The following TESK2 variants were observed in gnomAD, a reference collection of about 807,000 sequenced individuals.
TESK2 encodes dual specificity testis-specific protein kinase 2.
Under a neutral mutation model 57.1 loss-of-function variants are expected in TESK2, and 39 were observed. That is an observed-to-expected ratio of 0.68 (90% CI 0.53 to 0.89). TESK2 has a LOEUF of 0.89. TESK2 is among the 40% of genes least tolerant of loss of function. The pLI, the probability that TESK2 is intolerant of heterozygous loss-of-function variation, is 0.00. For missense variants in TESK2, 646 were observed against 732.1 expected (o/e 0.88, Z 1.36); for synonymous variants, 249 against 267.9 (o/e 0.93, Z 0.69).
At chr1:45,361,988 ATTATATG>A (rs978356704) in intron 4 of TESK2, among the ~76,000 whole-genome samples, 1 of 152,204 alleles carries the variant, frequency 6.6e-6, no homozygotes, top group African/African-American at 2.4e-5. Context: ...AAGATGGTAA[ATTATATG>A]TTATATGTAT....
chr1:45,360,052 C>A (rs1362887989), intron 4 of TESK2, among the ~76,000 whole-genome samples: 1 of 152,154 alleles, frequency 6.6e-6, no homozygotes, highest in Admixed American at 6.6e-5. Context: ...AAAAATAAAT[C>A]TTCCAACTTC....
chr1:45,426,475 G>A (rs1237098323), intron 2 of TESK2, among the ~76,000 whole-genome samples: 1 of 152,080 alleles, frequency 6.6e-6, no homozygotes, highest in African/African-American at 2.4e-5. Flanking sequence ...TAAAGATTTC[G>A]ATCTAGGACC....
chr1:45,485,562 A>G (rs1292059154), intron 1 of TESK2, among the ~76,000 whole-genome samples: 1 of 147,052 alleles, frequency 6.8e-6, no homozygotes, highest in Non-Finnish European at 1.5e-5. Context: ...TCTGTCGCCT[A>G]AACTGCAGTA....
chr1:45,451,399 AG>A (rs1367822004), intron 2 of TESK2, among the ~76,000 whole-genome samples: 32 of 152,184 alleles, frequency 2.1e-4, no homozygotes, highest in Admixed American at 2.1e-3. Context: ...TCAGGGATAA[AG>A]TTAAGCAGAA....
intron 4 of TESK2, 55 bp from the exon 5 acceptor site, chr1:45,355,504 G>C (rs1647383053): frequency 6.4e-7 from 1 of 1,567,074 alleles, no homozygotes; most frequent in Non-Finnish European, 8.6e-7. Context: ...TTAGGCTAGT[G>C]GTGAAACCAT....
intron 2 of TESK2, among the ~76,000 whole-genome samples, chr1:45,450,689 A>T (rs1651836860): frequency 6.6e-6 from 1 of 152,182 alleles, no homozygotes; most frequent in East Asian, 1.9e-4. Flanking sequence ...AAAACCTCTT[A>T]GGCTATATGC....
intron 9 of TESK2, among the ~76,000 whole-genome samples, 174 bp downstream of exon 9, chr1:45,346,519 C>G (rs558316588): frequency 1.3e-5 from 2 of 152,246 alleles, no homozygotes; most frequent in South Asian, 4.1e-4. Flanking sequence ...TTCCTTTGTC[C>G]AGAGCTCTGA....
chr1:45,436,181 CTTTTT>C (rs1170732475), intron 2 of TESK2, among the ~76,000 whole-genome samples: 14 of 56,620 alleles, frequency 2.5e-4, no homozygotes, highest in African/African-American at 5.3e-4. Context: ...TTGGTATCTT[CTTTTT>C]TTTTTTTTTT....
intron 10 of TESK2, 38 bp from the exon 11 acceptor site, chr1:45,345,596 A>G (rs771845568): frequency 6.5e-7 from 1 of 1,543,368 alleles, no homozygotes; most frequent in Non-Finnish European, 8.9e-7. Context: ...CTCACTAGTC[A>G]TAACAAATAC....
intron 1 of TESK2, among the ~76,000 whole-genome samples, chr1:45,466,159 T>C (rs1247026212): frequency 3.3e-5 from 5 of 152,068 alleles, no homozygotes. Context: ...CTGAGCAACA[T>C]GGTTAAACCT....
At chr1:45,417,010 T>A (rs1650271680) in intron 3 of TESK2, among the ~76,000 whole-genome samples, 1 of 151,804 alleles carries the variant, frequency 6.6e-6, no homozygotes, top group Admixed American at 6.6e-5. Flanking sequence ...ATGGTCTCGA[T>A]CTCTTGACCT....
chr1:45,387,572 G>A (rs1472946045), intron 3 of TESK2, among the ~76,000 whole-genome samples: 1 of 152,072 alleles, frequency 6.6e-6, no homozygotes, highest in Non-Finnish European at 1.5e-5. Context: ...GGAAGACAGG[G>A]TCCATGTCAT....
At chr1:45,386,859 G>C (rs1206861595) in intron 3 of TESK2, among the ~76,000 whole-genome samples, 1 of 151,756 alleles carries the variant, frequency 6.6e-6, no homozygotes, top group Non-Finnish European at 1.5e-5. Context: ...TCATCATGTT[G>C]GCCAGGATGG....
chr1:45,370,752 A>G (rs1434456344), intron 4 of TESK2, among the ~76,000 whole-genome samples: 1 of 152,302 alleles, frequency 6.6e-6, no homozygotes, highest in East Asian at 1.9e-4. Context: ...GAGGTTCAGT[A>G]CAGCTGTAGC....
intron 4 of TESK2, among the ~76,000 whole-genome samples, chr1:45,368,291 G>A (rs749984391): frequency 2.0e-5 from 3 of 151,998 alleles, no homozygotes; most frequent in Non-Finnish European, 4.4e-5. Context: ...CACCACACCC[G>A]GCCTGACCAT....
chr1:45,347,684 A>G lies in TESK2; in HGVS notation c.633T>C (p.Ser211=), dbSNP rs1440091614. The G allele has an allele frequency of 6.2e-7, 1 of 1,613,784 alleles. No individual in the cohort carries two copies. The highest frequency in any genetic ancestry group is 8.5e-7 in the Non-Finnish European group (1 of 1,179,818). Residue 211 remains serine, a synonymous_variant, in exon 7 of 11, where the codon AGT becomes AGC. Coordinates refer to ENST00000372086, the MANE Select transcript of TESK2 (RefSeq NM_007170.3). The part of the protein sequence containing the change: ...AEKIPDVSMG[S]EKLAVVGSPF... Reference sequence around the variant, plus strand: ...GGGAACCCACCACGGCCAGCTTCTCACTCCCCATGCTGTGGGGTGAGATTA... The same window carrying G: ...GGGAACCCACCACGGCCAGCTTCTCGCTCCCCATGCTGTGGGGTGAGATTA...
rs541871271 is a variant in TESK2, at chr1:45,369,419, G to A, written c.394-13970C>T. The stretch of plus-strand genomic sequence containing the variant: ...GAGGCAGGAGAATCACTTGAAACCA[G>A]AAGGTGGAGGTTGCAGTTAGCCGAG... On this transcript the variant is annotated intron_variant, in intron 4 of 10. Coordinates refer to ENST00000372086, the MANE Select transcript of TESK2 (RefSeq NM_007170.3). Among the ~76,000 whole-genome samples the A allele has an allele frequency of 2.6e-5, 4 of 152,234 alleles. 1 individual carries two copies. In the East Asian group the frequency reaches 7.7e-4, roughly 29 times the overall value.
chr1:45,460,567 T>C lies in TESK2; in HGVS notation c.-86-2696A>G, dbSNP rs527553718. On this transcript the variant is annotated intron_variant, in intron 1 of 10. Transcript: ENST00000372086. ...AAAAATAAAATAAAATAGGGTCGGGTGCAGGGGCTCATTCCTTTAATCCAA... is the reference window on the plus strand; with the variant it reads ...AAAAATAAAATAAAATAGGGTCGGGCGCAGGGGCTCATTCCTTTAATCCAA... Among the ~76,000 whole-genome samples, 34 of 152,126 alleles carry C rather than the reference T, an allele frequency of 2.2e-4. No individual in the cohort carries two copies. In the East Asian group the frequency reaches 6.0e-3, roughly 27 times the overall value.
At chr1:45,376,168 C>T (rs546996121) in intron 4 of TESK2, among the ~76,000 whole-genome samples, 1 of 149,172 alleles carries the variant, frequency 6.7e-6, no homozygotes, top group East Asian at 2.0e-4. Context: ...GTGAAATAAA[C>T]TTCTAATTAT....
Sources: gnomAD v4.1 joint callset for allele counts (sites outside exome capture counted in the v4.1 genomes callset) on GRCh38, gnomAD v4.1.1 for gene constraint, MANE v1.5 for transcripts, NCBI Gene and HGNC (gene_info 2026-07-23, HGNC 2026-07-21) for gene names.